The following BATF variants were observed in gnomAD, a reference collection of about 807,000 sequenced individuals.
BATF encodes the protein basic leucine zipper ATF-like transcription factor, also known as basic leucine zipper transcriptional factor ATF-like.
Under a neutral mutation model 13.7 loss-of-function variants are expected in BATF, and 5 were observed. The ratio of observed to expected loss-of-function variants is 0.36; its 90% CI spans 0.19 to 0.77. BATF has a LOEUF of 0.77. Among genes scored for constraint, BATF ranks in the 30% least tolerant of loss-of-function variants. BATF has a pLI of 0.51. For missense variants in BATF, 124 were observed against 163.0 expected (o/e 0.76, Z 1.30); for synonymous variants, 72 against 67.5 (o/e 1.07, Z -0.33).
intron 2 of BATF, 120 bp downstream of exon 2, chr14:75,525,308 A>G: frequency 9.4e-7 from 1 of 1,069,216 alleles, no homozygotes; most frequent in Non-Finnish European, 1.4e-6. Context: ...GGGGTGGGTT[A>G]GTGGAGGGTG....
intron 2 of BATF, among the ~76,000 whole-genome samples, chr14:75,543,952 A>G (rs1887942970): frequency 6.6e-6 from 1 of 152,118 alleles, no homozygotes; most frequent in Non-Finnish European, 1.5e-5. Context: ...GCAAATTTTA[A>G]ATGTCAAGTT....
chr14:75,535,374 G>A (rs531040808), intron 2 of BATF, among the ~76,000 whole-genome samples: 10 of 152,266 alleles, frequency 6.6e-5, no homozygotes, highest in African/African-American at 2.4e-4. Context: ...TTACATCACT[G>A]CACTCTGGAC....
At chr14:75,538,707 C>T (rs902859991) in intron 2 of BATF, among the ~76,000 whole-genome samples, 2 of 152,212 alleles carry the variant, frequency 1.3e-5, no homozygotes, top group African/African-American at 4.8e-5. Flanking sequence ...CGAGACCATC[C>T]TGGCTAACAC....
At chr14:75,525,930 T>C (rs1417445662) in intron 2 of BATF, among the ~76,000 whole-genome samples, 1 of 152,212 alleles carries the variant, frequency 6.6e-6, no homozygotes, top group African/African-American at 2.4e-5. Context: ...AGATTCCTCT[T>C]TTCAGAGCAT....
intron 2 of BATF, among the ~76,000 whole-genome samples, chr14:75,539,878 T>C (rs764335648): frequency 1.8e-4 from 28 of 152,022 alleles, no homozygotes; most frequent in African/African-American, 5.8e-4. Flanking sequence ...TACTTTTCAG[T>C]TGGAAGCCTG....
intron 2 of BATF, among the ~76,000 whole-genome samples, chr14:75,539,424 A>ATTTTT (rs1162218076): frequency 0.093 from 5,435 of 58,472 alleles, 1,001 homozygotes; most frequent in Middle Eastern, 0.15. Context: ...GTAAGCTGGA[A>ATTTTT]TTTTTTTTTT....
Position 75,546,756 on chromosome 14 carries a change from A to T in BATF, c.*85A>T. ...GCCCATCCCGCAGAGGCCCCTGTCCACCTGGAGACCCGGAGACAGAGGCCT... is the reference window on the plus strand; with the variant it reads ...GCCCATCCCGCAGAGGCCCCTGTCCTCCTGGAGACCCGGAGACAGAGGCCT... On this transcript the variant is annotated 3_prime_UTR_variant, in exon 3 of 3. Coordinates refer to ENST00000286639, the MANE Select transcript of BATF (RefSeq NM_006399.5). The T allele has an allele frequency of 1.4e-6, 2 of 1,419,772 alleles. No individual in the cohort carries two copies. Among genetic ancestry groups the T allele is most frequent in the Non-Finnish European group, 1.9e-6 (2 of 1,060,072 alleles). The allele number at this position is 1,419,772 out of a possible 1,614,324, so 87.9% of individuals were successfully genotyped here.
Position 75,546,522 on chromosome 14 carries a change from G to A in BATF, c.229G>A (p.Glu77Lys). Residue 77 changes from glutamate (E) to lysine (K), a missense_variant, in exon 3 of 3, where the codon GAG becomes AAG. By Grantham distance (56) the Glu-to-Lys change is moderately conservative. Transcript: ENST00000286639. Reference protein sequence around the residue: ...ALRKEIKQLTEELKYFTSVLN... With the variant: ...ALRKEIKQLTKELKYFTSVLN... Reference sequence around the variant, plus strand: ...ACGCAAGGAGATCAAGCAGCTCACAGAGGAACTGAAGTACTTCACGTCGGT... The same window carrying A: ...ACGCAAGGAGATCAAGCAGCTCACAAAGGAACTGAAGTACTTCACGTCGGT... 1 of 1,614,232 alleles carries A rather than the reference G, an allele frequency of 6.2e-7. No individual in the cohort carries two copies. The highest frequency in any genetic ancestry group is 8.5e-7 in the Non-Finnish European group (1 of 1,180,046).
At chr14:75,524,336 C>T (rs995318066) in intron 1 of BATF, among the ~76,000 whole-genome samples, 1 of 152,214 alleles carries the variant, frequency 6.6e-6, no homozygotes, top group Non-Finnish European at 1.5e-5. Flanking sequence ...ATGTGCCAGG[C>T]ATTGTGCTGG....
chr14:75,525,745 AG>A (rs1480654815), intron 2 of BATF, among the ~76,000 whole-genome samples: 1 of 151,252 alleles, frequency 6.6e-6, no homozygotes, highest in Non-Finnish European at 1.5e-5. Flanking sequence ...CTACCCCAGG[AG>A]GGCTCAAGGG....
chr14:75,543,205 A>G (rs1887924106), intron 2 of BATF, among the ~76,000 whole-genome samples: 1 of 152,184 alleles, frequency 6.6e-6, no homozygotes, highest in Admixed American at 6.5e-5. Flanking sequence ...GAAATACCCA[A>G]ATGGTAAAAT....
intron 2 of BATF, among the ~76,000 whole-genome samples, chr14:75,537,244 G>A (rs540392712): frequency 2.0e-5 from 3 of 152,224 alleles, no homozygotes; most frequent in Non-Finnish European, 4.4e-5. Flanking sequence ...AATAAACAGA[G>A]GTTTGACCTA....
At position 75,539,362 on chromosome 14, in the gene BATF, C is replaced by T. The variant is rs562333126; in HGVS notation, c.169-7100C>T. 1.3e-4 allele frequency among the ~76,000 whole-genome samples: 18 copies of T among 142,676 alleles called. No individual in the cohort carries two copies. In the South Asian group the frequency reaches 2.6e-3, roughly 20 times the overall value. 93.6% of individuals were successfully genotyped at this position (142,676 alleles called of 152,430 possible). On this transcript the variant is annotated intron_variant, in intron 2 of 2. Transcript: ENST00000286639. Reference sequence around the variant, plus strand: ...CCCGCCCATCAGGTACTTCTGCTTACGTATCTTTGGTCAGAATTCTGTCAC... The same window carrying T: ...CCCGCCCATCAGGTACTTCTGCTTATGTATCTTTGGTCAGAATTCTGTCAC...
chr14:75,522,606 A>G lies in BATF; in HGVS notation c.-77A>G. Reference sequence around the variant, plus strand: ...GTGGGCTGGTGGCCCAGGAGAAGTCAGGAAGGGAGCCCAGCTGGTGACAAG... The same window carrying G: ...GTGGGCTGGTGGCCCAGGAGAAGTCGGGAAGGGAGCCCAGCTGGTGACAAG... On this transcript the variant is annotated 5_prime_UTR_variant, in exon 1 of 3. Coordinates refer to ENST00000286639, the MANE Select transcript of BATF (RefSeq NM_006399.5). 5 of 1,576,868 alleles carry G rather than the reference A, an allele frequency of 3.2e-6. No homozygotes were observed. The highest frequency in any genetic ancestry group is 4.4e-6 in the Non-Finnish European group (5 of 1,147,272).
At chr14:75,541,504 C>G (rs1887896056) in intron 2 of BATF, among the ~76,000 whole-genome samples, 1 of 152,200 alleles carries the variant, frequency 6.6e-6, no homozygotes, top group Non-Finnish European at 1.5e-5. Flanking sequence ...GTGACCCCCT[C>G]TCCATGCAGC....
intron 2 of BATF, among the ~76,000 whole-genome samples, chr14:75,534,348 A>G (rs901041832): frequency 6.6e-6 from 1 of 152,234 alleles, no homozygotes; most frequent in Admixed American, 6.5e-5. Flanking sequence ...CTGATTATGA[A>G]AACGATACAC....
At chr14:75,524,582 G>A (rs1453190981) in intron 1 of BATF, among the ~76,000 whole-genome samples, 1 of 152,164 alleles carries the variant, frequency 6.6e-6, no homozygotes, top group Non-Finnish European at 1.5e-5. Flanking sequence ...AAATGGAAAT[G>A]ATGATATCAA....
rs1268422732 is a variant in BATF at position 75,538,616 on chromosome 14, A to G, written c.169-7846A>G. 2.0e-5 allele frequency among the ~76,000 whole-genome samples: 3 copies of G among 152,206 alleles called. No individual in the cohort carries two copies. The East Asian group carries it at 5.8e-4, about 29-fold the overall frequency. The stretch of plus-strand genomic sequence containing the variant: ...GTGGCCTGATGGCTTAAAACAAAAC[A>G]AACGGCCAGGTGCGGTGGCTCACGC... On this transcript the variant is annotated intron_variant, in intron 2 of 2. Coordinates refer to ENST00000286639, the MANE Select transcript of BATF (RefSeq NM_006399.5).
At chr14:75,529,764 C>A (rs1026558242) in intron 2 of BATF, among the ~76,000 whole-genome samples, 3 of 152,002 alleles carry the variant, frequency 2.0e-5, no homozygotes, top group Middle Eastern at 6.8e-3. Flanking sequence ...ATTAACAACC[C>A]AAAAGAAAAA....
Sources: gnomAD v4.1 joint callset for allele counts (sites outside exome capture counted in the v4.1 genomes callset) on GRCh38, gnomAD v4.1.1 for gene constraint, MANE v1.5 for transcripts, NCBI Gene and HGNC (gene_info 2026-07-23, HGNC 2026-07-21) for gene names.